Variants in PLPP4 observed in about 807,000 individuals in gnomAD.
The protein encoded by PLPP4 is phospholipid phosphatase 4, also known as diacylglycerol pyrophosphate like 2.
Under a neutral mutation model 32.2 loss-of-function variants are expected in PLPP4, and 20 were observed. The ratio of observed to expected loss-of-function variants is 0.62; its 90% confidence interval spans 0.44 to 0.90. The LOEUF (loss-of-function observed/expected upper bound fraction) is 0.90, where lower values mean the gene tolerates loss of function less well. PLPP4 is among the 40% of genes least tolerant of loss of function. The pLI, the probability that PLPP4 is intolerant of heterozygous loss-of-function variation, is 0.00. For synonymous variants in PLPP4, 127 were observed against 133.0 expected, an observed-to-expected ratio of 0.95 and a Z score of 0.31; for missense variants, 257 against 353.1, an observed-to-expected ratio of 0.73 and a Z score of 2.18.
At chr10:120,487,586 T>C (rs1437303469) in intron 1 of PLPP4, among the ~76,000 whole-genome samples, 1 of 152,220 alleles carries the variant, frequency 6.6e-6, no homozygotes, top group Non-Finnish European at 1.5e-5. Context: ...AGTTTTTTAA[T>C]AGACAAGATA....
chr10:120,477,253 G>GA (rs370012821), intron 1 of PLPP4, among the ~76,000 whole-genome samples: 751 of 59,252 alleles, frequency 0.013, 6 homozygotes, highest in African/African-American at 0.029. Context: ...AAAAAGAAAA[G>GA]AAAAAAAACC....
chr10:120,513,763 CCTT>C (rs1167358445), intron 2 of PLPP4, 145 bp from the exon 3 acceptor site: 2 of 571,470 alleles, frequency 3.5e-6, no homozygotes, highest in Non-Finnish European at 6.0e-6. Flanking sequence ...CATACATCAT[CCTT>C]TTTTTTTTGT....
intron 1 of PLPP4, among the ~76,000 whole-genome samples, chr10:120,492,990 C>T (rs548516882): frequency 4.5e-4 from 68 of 152,294 alleles, no homozygotes; most frequent in African/African-American, 1.5e-3. Context: ...GTTTCAGCTG[C>T]TTCTCCTACA....
intron 5 of PLPP4, among the ~76,000 whole-genome samples, chr10:120,554,787 C>T (rs1443927312): frequency 6.6e-6 from 1 of 152,018 alleles, no homozygotes; most frequent in Admixed American, 6.6e-5. Context: ...TTTTAAACAA[C>T]CAGACCTCAT....
At chr10:120,534,485 A>G (rs1196003824) in intron 5 of PLPP4, among the ~76,000 whole-genome samples, 3 of 152,004 alleles carry the variant, frequency 2.0e-5, no homozygotes, top group East Asian at 1.9e-4. Context: ...AATGTTTATC[A>G]TCGAATTTAG....
intron 1 of PLPP4, among the ~76,000 whole-genome samples, chr10:120,480,547 A>G (rs1262104330): frequency 6.6e-6 from 1 of 151,716 alleles, no homozygotes; most frequent in Admixed American, 6.6e-5. Context: ...GAAACTAACA[A>G]GGTAAATCCT....
intron 5 of PLPP4, among the ~76,000 whole-genome samples, chr10:120,539,660 A>T (rs542449613): frequency 4.3e-4 from 65 of 152,232 alleles, no homozygotes; most frequent in African/African-American, 1.5e-3. Context: ...TAATAAGCAG[A>T]CATTTTCAGA....
At chr10:120,507,054 A>T (rs1204751186) in intron 2 of PLPP4, among the ~76,000 whole-genome samples, 3 of 152,318 alleles carry the variant, frequency 2.0e-5, no homozygotes, top group Non-Finnish European at 2.9e-5. Flanking sequence ...AATATTTTTT[A>T]AAACCTACTT....
chr10:120,589,186 G>C, intron 6 of PLPP4, 117 bp from the exon 7 acceptor site: 1 of 919,998 alleles, frequency 1.1e-6, no homozygotes, highest in Non-Finnish European at 1.7e-6. Flanking sequence ...CTTTCAGGGG[G>C]TCCTGTAAGC....
intron 6 of PLPP4, among the ~76,000 whole-genome samples, chr10:120,582,708 G>T (rs1849564405): frequency 6.7e-6 from 1 of 150,208 alleles, no homozygotes; most frequent in East Asian, 2.0e-4. Context: ...TTCTCTACAA[G>T]TTCTTTCCTT....
In PLPP4 at chr10:120,463,240, A is replaced by C. The variant is rs189913514; in HGVS notation, c.56+5879A>C. Among the ~76,000 whole-genome samples the C allele has an allele frequency of 4.3e-3, 657 of 152,048 alleles. 7 individuals carry two copies. Among genetic ancestry groups the C allele is most frequent in the Non-Finnish European group, 3.7e-3 (249 of 67,980 alleles). ...ACGTAGTTTCACCATGTTAGCCAGG[A>C]TGGTCTCGATCTCCTGACCTCGTGA... is the stretch of plus-strand genomic sequence containing the variant. On this transcript the variant is annotated intron_variant, in intron 1 of 6. Transcript: ENST00000398250.
intron 5 of PLPP4, among the ~76,000 whole-genome samples, chr10:120,527,456 T>G (rs540508416): frequency 1.3e-5 from 2 of 152,336 alleles, no homozygotes; most frequent in Admixed American, 6.5e-5. Context: ...CCCTCCATAA[T>G]TTCTTACTTA....
chr10:120,539,508 A>G (rs967280786), intron 5 of PLPP4, among the ~76,000 whole-genome samples: 1 of 152,168 alleles, frequency 6.6e-6, no homozygotes, highest in African/African-American at 2.4e-5. Context: ...AAAGACTAAC[A>G]TGAACACCTG....
chr10:120,543,683 G>A (rs928771427), intron 5 of PLPP4, among the ~76,000 whole-genome samples: 10 of 152,220 alleles, frequency 6.6e-5, no homozygotes, highest in East Asian at 1.9e-4. Flanking sequence ...CATTCACAGC[G>A]TTGTGCAGCC....
chr10:120,577,014 A>G (rs907304947), intron 6 of PLPP4, among the ~76,000 whole-genome samples: 3 of 152,234 alleles, frequency 2.0e-5, no homozygotes, highest in African/African-American at 7.2e-5. Flanking sequence ...CACAGGAACT[A>G]TCCCTAATAT....
At chr10:120,470,270 A>T (rs1320257276) in intron 1 of PLPP4, among the ~76,000 whole-genome samples, 1 of 152,158 alleles carries the variant, frequency 6.6e-6, no homozygotes, top group Non-Finnish European at 1.5e-5. Context: ...CTTTTCCTTT[A>T]TCTGTGTTTC....
chr10:120,543,904 T>C (rs7923656), intron 5 of PLPP4, among the ~76,000 whole-genome samples: 146,279 of 152,284 alleles, frequency 0.96, 70,350 homozygotes, highest in East Asian at 0.99. Context: ...TTAGCATACG[T>C]ATCCTCAGGA....
intron 5 of PLPP4, among the ~76,000 whole-genome samples, chr10:120,552,268 C>A (rs1847946150): frequency 6.7e-6 from 1 of 149,658 alleles, no homozygotes; most frequent in South Asian, 2.1e-4. Context: ...GATTCTTATT[C>A]ATTGAAAAAA....
At chr10:120,515,828 G>A (rs1845913848) in intron 3 of PLPP4, among the ~76,000 whole-genome samples, 1 of 152,158 alleles carries the variant, frequency 6.6e-6, no homozygotes, top group Non-Finnish European at 1.5e-5. Context: ...GGCTCCCCTG[G>A]CATGGAGTCT....
Sources: allele counts gnomAD v4.1 joint callset (sites outside exome capture counted in the v4.1 genomes callset), GRCh38; gene constraint gnomAD v4.1.1; transcripts MANE v1.5; gene names NCBI Gene and HGNC (gene_info 2026-07-23, HGNC 2026-07-21).